The following ZNF518A variants were observed in gnomAD, a reference collection of about 807,000 sequenced individuals.
ZNF518A encodes zinc finger protein 518.
In ZNF518A, 47 loss-of-function variants were observed where a neutral mutation model predicts 102.7. The observed-to-expected ratio is 0.46, with a 90% confidence interval of 0.36 to 0.58. The LOEUF is 0.58. Among genes scored for constraint, ZNF518A ranks in the 20% least tolerant of loss-of-function variants. The probability of loss-of-function intolerance (pLI) is 0.00; values close to 1 mark genes in which losing one functional copy is unlikely to be tolerated. For missense variants in ZNF518A, 1,793 were observed against 1,699.8 expected, an observed-to-expected ratio of 1.05 and a Z score of -0.96; for synonymous variants, 652 against 594.6, an observed-to-expected ratio of 1.10 and a Z score of -1.40.
chr10:96,189,700 T>TCAC (rs1448785115), intron 1 of ZNF518A: 12 of 579,594 alleles, frequency 2.1e-5, no homozygotes, highest in Admixed American at 4.5e-5. Context: ...ATCATCAAAA[T>TCAC]CATCATCATC....
chr10:96,182,331 T>C (rs1208415236), intron 1 of ZNF518A, among the ~76,000 whole-genome samples: 2 of 152,204 alleles, frequency 1.3e-5, no homozygotes, highest in Admixed American at 1.3e-4. Context: ...TTCTTTGCCT[T>C]GCCTGATTGC....
chr10:96,204,526 TCTTA>T (rs1564816872), downstream of ZNF518A: 1 of 1,613,812 alleles, frequency 6.2e-7, no homozygotes, highest in Non-Finnish European at 8.5e-7. Context: ...AGGAAAGGAT[TCTTA>T]CTTCTGGGCA....
At chr10:96,193,032 G>C (rs2133912621) in intron 1 of ZNF518A, among the ~76,000 whole-genome samples, 1 of 152,166 alleles carries the variant, frequency 6.6e-6, no homozygotes, top group Non-Finnish European at 1.5e-5. Flanking sequence ...GCTACATATT[G>C]AATAAAGTAA....
At chr10:96,188,708 GA>G (rs1338832663) in intron 1 of ZNF518A, among the ~76,000 whole-genome samples, 3 of 151,710 alleles carry the variant, frequency 2.0e-5, no homozygotes, top group South Asian at 2.1e-4. Context: ...CCTAAAAGGA[GA>G]AAAAAAACCT....
At chr10:96,199,466 C>G (rs782743068) in intron 1 of ZNF518A, 1 of 459,208 alleles carries the variant, frequency 2.2e-6, no homozygotes, top group South Asian at 1.6e-5. Context: ...CAGCACCAAG[C>G]CTTCCATAGA....
chr10:96,158,768 T>G lies in ZNF518A; in HGVS notation c.2446T>G (p.Ser816Ala), dbSNP rs1358443667. 1.2e-6 allele frequency: 2 copies of G among 1,613,458 alleles called. No individual in the cohort carries two copies. Among genetic ancestry groups the G allele is most frequent in the Admixed American group, 3.3e-5 (2 of 59,938 alleles). ...AGGCTTGCCACTTCATTGTGACCAGTCATTTCAAAAACACGAGAGAGAAGG... is the reference window on the plus strand; with the variant it reads ...AGGCTTGCCACTTCATTGTGACCAGGCATTTCAAAAACACGAGAGAGAAGG... Reference protein sequence around the residue: ...NKGLPLHCDQSFQKHEREGKI... With the variant: ...NKGLPLHCDQAFQKHEREGKI... The change falls in exon 6 of 6, where the codon TCA (serine) becomes GCA (alanine). Residue 816 changes from serine to alanine, a missense_variant. By Grantham distance (99) the Ser-to-Ala change is moderately conservative. Transcript: ENST00000316045.
intron 1 of ZNF518A, among the ~76,000 whole-genome samples, chr10:96,181,584 A>G (rs1251289361): frequency 1.3e-5 from 2 of 152,124 alleles, no homozygotes; most frequent in African/African-American, 4.8e-5. Flanking sequence ...TTTTCCCAGC[A>G]CCATTAATTA....
chr10:96,178,424 T>C (rs2083218449), intron 1 of ZNF518A, among the ~76,000 whole-genome samples: 2 of 152,056 alleles, frequency 1.3e-5, no homozygotes, highest in Admixed American at 6.6e-5. Flanking sequence ...GAGAAATCTA[T>C]ATTACAATTC....
Position 96,173,699 on chromosome 10 carries a change from A to G in ZNF518A, n.35+17652A>G, listed in dbSNP as rs958247920. 1.1e-4 allele frequency among the ~76,000 whole-genome samples: 17 copies of G among 152,312 alleles called. No individual in the cohort carries two copies. The South Asian group carries it at 1.9e-3, about 17-fold the overall frequency. ...TGATAGTTGGACACTTTGATACTCC[A>G]CTTTGCATAAATGAATAAAATAACA... On this transcript the variant is annotated intron_variant and non_coding_transcript_variant, in intron 1 of 2. Transcript: ENST00000442635.
In ZNF518A at chr10:96,200,371, G is replaced by C. The variant is rs1339043807; in HGVS notation, n.36-3203G>C. Among the ~76,000 whole-genome samples, 1 of 151,964 alleles carries C rather than the reference G, an allele frequency of 6.6e-6. No homozygotes were observed. Among genetic ancestry groups the C allele is most frequent in the African/African-American group, 2.4e-5 (1 of 41,374 alleles). ...TTTTTTTTCATTTGGCCTTAGCTAGGTTCCTGAATTATTTCTTTCTTTCTC... is the reference window on the plus strand; with the variant it reads ...TTTTTTTTCATTTGGCCTTAGCTAGCTTCCTGAATTATTTCTTTCTTTCTC... On this transcript the variant is annotated intron_variant and non_coding_transcript_variant, in intron 1 of 2. Coordinates refer to the ZNF518A transcript ENST00000442635. This position sits in a 1 kb window ranked among gnomAD's most constrained non-coding sequence, Gnocchi z 4.3.
exon 3 of ZNF518A, chr10:96,204,088 T>G (rs1253972353): frequency 1.2e-6 from 2 of 1,613,952 alleles, no homozygotes; most frequent in East Asian, 2.2e-5. Flanking sequence ...GGTGGATTTG[T>G]CTGCAAGAAA....
chr10:96,159,973 T>A lies in ZNF518A; in HGVS notation c.3651T>A (p.Ser1217=). ...CTTCTACTGCAACATGCCCAGAATC[T>A]TCTGAGGAACCAATATGTGTCAGTG... The part of the protein sequence containing the change: ...VITSTATCPE[S]SEEPICVSDC... Residue 1217 remains serine (S), a synonymous_variant, in exon 6 of 6, where the codon TCT becomes TCA. Coordinates refer to ENST00000316045, the MANE Select transcript of ZNF518A (RefSeq NM_001330736.2). The A allele has an allele frequency of 1.9e-6, 3 of 1,613,552 alleles. No individual in the cohort carries two copies. The highest frequency in any genetic ancestry group is 1.7e-6 in the Non-Finnish European group (2 of 1,179,698).
intron 1 of ZNF518A, among the ~76,000 whole-genome samples, chr10:96,169,253 C>T (rs1231063612): frequency 1.3e-5 from 2 of 152,208 alleles, no homozygotes; most frequent in African/African-American, 4.8e-5. Context: ...AATCCTCCTT[C>T]CTTGGCCTCC....
At chr10:96,171,858 C>T (rs1564800535) in intron 1 of ZNF518A, among the ~76,000 whole-genome samples, 1 of 151,604 alleles carries the variant, frequency 6.6e-6, no homozygotes, top group Non-Finnish European at 1.5e-5. Context: ...CAAAAGTAGA[C>T]ATGTTATTGT....
At position 96,142,801 on chromosome 10, in the gene ZNF518A, ATTTC is replaced by A. The variant is rs1313501226; in HGVS notation, c.-302+9157_-302+9160del. ...AAAATCTTTCCGGACCCAATGTGTG[ATTTC>A]TTTTTTTTTTTTTTTATTGCGACAG... On this transcript the variant is annotated intron_variant, in intron 3 of 5. Transcript: ENST00000316045. Among the ~76,000 whole-genome samples the A allele has an allele frequency of 4.1e-5, 6 of 147,722 alleles. No homozygotes were observed. In the East Asian group the frequency reaches 1.2e-3, roughly 29 times the overall value.
intron 1 of ZNF518A, chr10:96,189,569 T>C: frequency 1.5e-6 from 1 of 676,168 alleles, no homozygotes; most frequent in Non-Finnish European, 2.7e-6. Context: ...TGAAGGATTC[T>C]TGTCCTTTTA....
At position 96,196,793 on chromosome 10, in the gene ZNF518A, A is replaced by T; in HGVS notation, n.36-6781A>T. On this transcript the variant is annotated intron_variant and non_coding_transcript_variant, in intron 1 of 2. Transcript: ENST00000442635. ...TGTTCTCTATGACATTTATGCAAGC[A>T]TTAGAACAAGTACTTTTGTATCCTT... The T allele has an allele frequency of 2.9e-6, 3 of 1,031,646 alleles. No individual in the cohort carries two copies. In the South Asian group the frequency reaches 4.1e-5, roughly 14 times the overall value. The allele number at this position is 1,031,646 out of a possible 1,614,324, so 63.9% of individuals were successfully genotyped here.
chr10:96,176,131 A>G (rs1435975981), intron 1 of ZNF518A, among the ~76,000 whole-genome samples: 1 of 151,988 alleles, frequency 6.6e-6, no homozygotes, highest in Non-Finnish European at 1.5e-5. Context: ...GACAGGGTCT[A>G]TGTTGCCCAG....
chr10:96,146,642 C>T (rs2082184731), intron 3 of ZNF518A, among the ~76,000 whole-genome samples: 1 of 152,154 alleles, frequency 6.6e-6, no homozygotes, highest in Non-Finnish European at 1.5e-5. Flanking sequence ...AAAATGCACA[C>T]TATGTATGTG....
Sources: allele counts gnomAD v4.1 joint callset (sites outside exome capture counted in the v4.1 genomes callset), GRCh38; gene constraint gnomAD v4.1.1; non-coding constraint Gnocchi (gnomAD v3.1); transcripts MANE v1.5; gene names NCBI Gene and HGNC (gene_info 2026-07-23, HGNC 2026-07-21).